The following PPAT variants were observed in gnomAD, a reference collection of about 807,000 sequenced individuals.
PPAT encodes phosphoribosyl pyrophosphate amidotransferase.
PPAT carries 20 observed loss-of-function variants against 60.2 expected under a neutral mutation model. That is an observed-to-expected ratio of 0.33 (90% CI 0.23 to 0.48). The LOEUF (loss-of-function observed/expected upper bound fraction) is 0.48, where lower values mean the gene tolerates loss of function less well. PPAT is among the 20% of genes least tolerant of loss of function. The pLI is 0.99. For missense variants in PPAT, 349 were observed against 629.6 expected (o/e 0.55, Z 4.77); for synonymous variants, 194 against 215.1 (o/e 0.90, Z 0.86).
intron 1 of PPAT, among the ~76,000 whole-genome samples, chr4:56,409,181 TTACAGATAAACACACTAAAGCAA>T (rs373457572): frequency 0.01 from 1,536 of 152,308 alleles, 22 homozygotes; most frequent in African/African-American, 0.036. Flanking sequence ...CATGCCCATT[TTACAGATAAACACACTAAAGCAA>T]TAGAAAGGAA....
chr4:56,402,084 A>G, intron 6 of PPAT, 25 bp downstream of exon 6: 1 of 1,500,422 alleles, frequency 6.7e-7, no homozygotes, highest in African/African-American at 1.4e-5. Flanking sequence ...GGAAAATAAA[A>G]TATGTCAAAC....
intron 3 of PPAT, 76 bp from the exon 4 acceptor site, chr4:56,403,477 A>C: frequency 9.5e-7 from 1 of 1,053,804 alleles, no homozygotes; most frequent in Non-Finnish European, 1.4e-6. Context: ...GCCAACCATA[A>C]TGAAAATAAG....
intron 2 of PPAT, 86 bp from the exon 3 acceptor site, chr4:56,406,787 A>T (rs950003982): frequency 1.3e-5 from 12 of 918,748 alleles, no homozygotes; most frequent in Non-Finnish European, 2.0e-5. Flanking sequence ...CAGCCAATCC[A>T]AATAAGACAA....
intron 3 of PPAT, among the ~76,000 whole-genome samples, chr4:56,405,121 T>A (rs189819132): frequency 4.7e-4 from 69 of 146,040 alleles, no homozygotes; most frequent in Non-Finnish European, 7.1e-4. Flanking sequence ...AAAGATGAAA[T>A]GATGAATGAA....
intron 1 of PPAT, among the ~76,000 whole-genome samples, chr4:56,411,625 T>C (rs959898520): frequency 1.4e-4 from 22 of 152,182 alleles, no homozygotes; most frequent in Admixed American, 1.3e-4. Flanking sequence ...TCTACCATAG[T>C]CTAAATCTTA....
At chr4:56,418,369 G>A (rs1716879483) in intron 1 of PPAT, among the ~76,000 whole-genome samples, 1 of 151,874 alleles carries the variant, frequency 6.6e-6, no homozygotes, top group South Asian at 2.1e-4. Flanking sequence ...GCCCAAGCTG[G>A]AGTGCAGTGG....
chr4:56,420,090 C>T (rs1716963190), intron 1 of PPAT: 2 of 668,272 alleles, frequency 3.0e-6, no homozygotes, highest in South Asian at 1.3e-4. Context: ...CATGTTACAT[C>T]ACACAGGTTC....
At chr4:56,416,438 G>A in intron 1 of PPAT, 1 of 631,792 alleles carries the variant, frequency 1.6e-6, no homozygotes, top group Non-Finnish European at 2.0e-6. Flanking sequence ...AATGGAACTA[G>A]GTATAGTATA....
chr4:56,418,418 C>G (rs1466696966), intron 1 of PPAT, among the ~76,000 whole-genome samples: 1 of 152,178 alleles, frequency 6.6e-6, no homozygotes, highest in Non-Finnish European at 1.5e-5. Context: ...CTCCCCGACT[C>G]AAGCAATCCT....
intron 1 of PPAT, 23 bp downstream of exon 1, chr4:56,435,327 G>T: frequency 6.2e-7 from 1 of 1,602,412 alleles, no homozygotes. Context: ...GCACGCCCCC[G>T]CCACCCCCAC....
At chr4:56,430,643 C>T (rs1369755610) in intron 1 of PPAT, among the ~76,000 whole-genome samples, 7 of 151,400 alleles carry the variant, frequency 4.6e-5, no homozygotes. Context: ...TTTTCTATGT[C>T]TGGATATAAA....
intron 1 of PPAT, among the ~76,000 whole-genome samples, chr4:56,434,186 C>T (rs769415861): frequency 4.1e-4 from 63 of 152,330 alleles, no homozygotes; most frequent in Non-Finnish European, 7.6e-4. Flanking sequence ...ATGCTTCCCA[C>T]ATTCTCAGCT....
chr4:56,412,486 G>A (rs1716511234), intron 1 of PPAT, among the ~76,000 whole-genome samples: 1 of 151,770 alleles, frequency 6.6e-6, no homozygotes, highest in African/African-American at 2.4e-5. Context: ...ATTTTTTGTG[G>A]GATGGGTTTC....
At chr4:56,395,571 A>AAATGTAATAAG in intron 10 of PPAT, 23 bp from the exon 11 acceptor site, 1 of 1,478,616 alleles carries the variant, frequency 6.8e-7, no homozygotes, top group Non-Finnish European at 9.0e-7. Flanking sequence ...GGAAAAATAA[A>AAATGTAATAAG]AATGTAATAA....
chr4:56,431,432 A>G, intron 1 of PPAT: 1 of 981,872 alleles, frequency 1.0e-6, no homozygotes, highest in Non-Finnish European at 1.2e-6. Context: ...ACCAGTGTCT[A>G]AATCTCTTAA....
intron 1 of PPAT, among the ~76,000 whole-genome samples, chr4:56,412,375 C>A (rs900499500): frequency 2.7e-5 from 4 of 150,238 alleles, no homozygotes; most frequent in Non-Finnish European, 4.4e-5. Flanking sequence ...GTGGTGTGAT[C>A]TTGGCTCATT....
At chr4:56,431,169 T>C (rs2680758) in intron 1 of PPAT, among the ~76,000 whole-genome samples, 5,882 of 152,250 alleles carry the variant, frequency 0.039, 172 homozygotes, top group Middle Eastern at 0.058. Flanking sequence ...ATTATGGGAG[T>C]ATAAAAGTTA....
intron 2 of PPAT, among the ~76,000 whole-genome samples, chr4:56,407,399 A>T (rs1716269654): frequency 6.6e-6 from 1 of 151,332 alleles, no homozygotes; most frequent in Non-Finnish European, 1.5e-5. Flanking sequence ...GCTCACCACA[A>T]CCTCCGCCTC....
intron 1 of PPAT, among the ~76,000 whole-genome samples, chr4:56,427,469 T>G (rs1717349546): frequency 6.6e-6 from 1 of 152,126 alleles, no homozygotes; most frequent in African/African-American, 2.4e-5. Flanking sequence ...ATCACCATCT[T>G]TTAAAAATTA....
Sources: gnomAD v4.1 joint callset for allele counts (sites outside exome capture counted in the v4.1 genomes callset) on GRCh38, gnomAD v4.1.1 for gene constraint, MANE v1.5 for transcripts, NCBI Gene and HGNC (gene_info 2026-07-23, HGNC 2026-07-21) for gene names.